RBFOX3: variants seen among roughly 807,000 people sequenced by gnomAD.
The protein encoded by RBFOX3 is RNA binding protein fox-1 homolog 3.
In RBFOX3, 17 loss-of-function variants were observed where a neutral mutation model predicts 48.7. That is an observed-to-expected ratio of 0.35 (90% CI 0.24 to 0.52). The LOEUF (loss-of-function observed/expected upper bound fraction) is 0.52. RBFOX3 is among the 20% of genes least tolerant of loss of function. The probability of loss-of-function intolerance (pLI) is 0.94; values close to 1 mark genes in which losing one functional copy is unlikely to be tolerated. For synonymous variants in RBFOX3, 212 were observed against 209.5 expected (o/e 1.01, Z -0.10); for missense variants, 382 against 497.5 (o/e 0.77, Z 2.21).
chr17:79,465,989 C>T (rs1162977008), intron 2 of RBFOX3, among the ~76,000 whole-genome samples: 2 of 152,190 alleles, frequency 1.3e-5, no homozygotes, highest in African/African-American at 2.4e-5. Context: ...CAGGAACAAC[C>T]CAGCTGGATC....
the RBFOX3 span, among the ~76,000 whole-genome samples, chr17:79,645,122 C>T: frequency 1.1e-4 from 16 of 152,214 alleles, no homozygotes; most frequent in Non-Finnish European, 1.5e-4. Flanking sequence ...CAGACTCAAG[C>T]TGCCCTTACC....
intron 1 of RBFOX3, among the ~76,000 whole-genome samples, chr17:79,498,047 G>C (rs2081818268): frequency 6.6e-6 from 1 of 152,246 alleles, no homozygotes; most frequent in Non-Finnish European, 1.5e-5. Context: ...CAGGAGAGGA[G>C]CAGAATGGAG....
chr17:79,168,686 A>G lies in RBFOX3; in HGVS notation c.-33-52938T>C, dbSNP rs141311260. Among the ~76,000 whole-genome samples, 1,084 of 152,338 alleles carry G rather than the reference A, an allele frequency of 7.1e-3. 6 individuals are homozygous for G. The highest frequency in any genetic ancestry group is 0.022 in the South Asian group (105 of 4,832). ...GAGGTGGGACAGTGCCACCTTGGAC[A>G]GGCCAGCCGCACGGGGCTGCGGCCT... On this transcript the variant is annotated intron_variant, in intron 4 of 14. Coordinates refer to ENST00000693108, the MANE Select transcript of RBFOX3 (RefSeq NM_001350451.2).
rs1333538563 is a variant in RBFOX3, at chr17:79,111,194, G to C, written c.222+4300C>G. ...GGGCAGAGAGGCCTCCAGGGACCTGGGCGCACAGGCATCTATGCCTGCAGT... is the reference window on the plus strand; with the variant it reads ...GGGCAGAGAGGCCTCCAGGGACCTGCGCGCACAGGCATCTATGCCTGCAGT... On this transcript the variant is annotated intron_variant, in intron 5 of 14. Coordinates refer to ENST00000693108, the MANE Select transcript of RBFOX3 (RefSeq NM_001350451.2). This position sits in a 1 kb window ranked among gnomAD's most constrained non-coding sequence, Gnocchi z 4.2. Among the ~76,000 whole-genome samples the C allele has an allele frequency of 2.6e-5, 4 of 152,234 alleles. No individual in the cohort carries two copies. The highest frequency in any genetic ancestry group is 9.6e-5 in the African/African-American group (4 of 41,460).
intron 4 of RBFOX3, among the ~76,000 whole-genome samples, chr17:79,160,699 G>C (rs2046794166): frequency 6.6e-6 from 1 of 152,116 alleles, no homozygotes; most frequent in Non-Finnish European, 1.5e-5. Flanking sequence ...TAAACATCTT[G>C]GCGAGCGTAG....
At chr17:79,283,105 G>T (rs2070972538) in intron 3 of RBFOX3, among the ~76,000 whole-genome samples, 1 of 152,182 alleles carries the variant, frequency 6.6e-6, no homozygotes, top group Non-Finnish European at 1.5e-5. Context: ...GGGGCGGGAA[G>T]AAAACGCTTG....
intron 2 of RBFOX3, among the ~76,000 whole-genome samples, chr17:79,463,196 G>GGCATCGCCACTGCCACCT (rs1410512633): frequency 0.077 from 8,764 of 113,814 alleles, 781 homozygotes; most frequent in Non-Finnish European, 0.1. Context: ...CACTGCCACC[G>GGCATCGCCACTGCCACCT]CCATCGCCAC....
At chr17:79,171,347 G>A (rs1599788804) in intron 4 of RBFOX3, among the ~76,000 whole-genome samples, 1 of 152,328 alleles carries the variant, frequency 6.6e-6, no homozygotes, top group East Asian at 1.9e-4. Flanking sequence ...GGACAGGGCT[G>A]GTGTAGGCCA....
chr17:79,522,167 C>A (rs2086199085), intron 1 of RBFOX3, among the ~76,000 whole-genome samples: 1 of 152,344 alleles, frequency 6.6e-6, no homozygotes, highest in East Asian at 1.9e-4. Context: ...AGCTCCTGAG[C>A]AGCTCCCCAC....
chr17:79,164,387 C>T (rs1355463820), intron 4 of RBFOX3, among the ~76,000 whole-genome samples: 1 of 152,196 alleles, frequency 6.6e-6, no homozygotes, highest in Non-Finnish European at 1.5e-5. Context: ...CCCCAAGATA[C>T]AGGTGCTGGA....
intron 1 of RBFOX3, chr17:79,598,522 C>T (rs1158494530): frequency 1.3e-5 from 2 of 152,202 alleles, no homozygotes; most frequent in South Asian, 2.1e-4. Flanking sequence ...CCAGCATCTC[C>T]GAAGTGCAAT....
intron 1 of RBFOX3, among the ~76,000 whole-genome samples, chr17:79,531,484 C>T (rs2150085016): frequency 6.6e-6 from 1 of 152,330 alleles, no homozygotes; most frequent in South Asian, 2.1e-4. Context: ...TGATGGCTGG[C>T]TGCTTTTGGT....
At chr17:79,223,389 C>T (rs920602614) in intron 4 of RBFOX3, among the ~76,000 whole-genome samples, 7 of 152,182 alleles carry the variant, frequency 4.6e-5, no homozygotes, top group African/African-American at 1.2e-4. Flanking sequence ...CAAACAGCTG[C>T]GTATACATGC....
intron 3 of RBFOX3, among the ~76,000 whole-genome samples, chr17:79,273,555 G>A (rs1453761103): frequency 7.7e-6 from 1 of 130,420 alleles, no homozygotes; most frequent in African/African-American, 2.7e-5. Flanking sequence ...AGGCTATAGG[G>A]TAAACAGTGC....
rs114051907 is a variant in RBFOX3, at chr17:79,157,624, C to T, written c.-33-41876G>A. On this transcript the variant is annotated intron_variant, in intron 4 of 14. Coordinates refer to ENST00000693108, the MANE Select transcript of RBFOX3 (RefSeq NM_001350451.2). ...CCCTAAAAGCTGAGATGCCCTGGGCCCTGAGCACAGCTCCTCTCCTTGTCC... is the reference window on the plus strand; with the variant it reads ...CCCTAAAAGCTGAGATGCCCTGGGCTCTGAGCACAGCTCCTCTCCTTGTCC... Among the ~76,000 whole-genome samples the T allele has an allele frequency of 3.8e-3, 580 of 151,692 alleles. 3 individuals carry two copies. Among genetic ancestry groups the T allele is most frequent in the African/African-American group, 0.014 (558 of 41,064 alleles).
At chr17:79,595,575 C>T (rs934948302) in intron 1 of RBFOX3, among the ~76,000 whole-genome samples, 5 of 152,210 alleles carry the variant, frequency 3.3e-5, no homozygotes, top group Non-Finnish European at 5.9e-5. Flanking sequence ...CTCTCTTGAA[C>T]GCTTTTAACC....
Position 79,390,254 on chromosome 17 carries a change from G to A in RBFOX3, c.-174-82430C>T, listed in dbSNP as rs780165143. On this transcript the variant is annotated intron_variant, in intron 2 of 14. Coordinates refer to ENST00000693108, the MANE Select transcript of RBFOX3 (RefSeq NM_001350451.2). This position sits in a 1 kb window ranked among gnomAD's most constrained non-coding sequence, Gnocchi z 4.2. ...TCCTCCTAGAATAACACATCCCTCC[G>A]CCCCATCATCCTGCAATCCTTTAGC... Among the ~76,000 whole-genome samples the A allele has an allele frequency of 7.9e-5, 12 of 152,200 alleles. No individual in the cohort carries two copies. The highest frequency in any genetic ancestry group is 4.6e-4 in the Admixed American group (7 of 15,276).
the RBFOX3 span, among the ~76,000 whole-genome samples, chr17:79,616,802 C>T: frequency 4.6e-5 from 7 of 152,328 alleles, no homozygotes; most frequent in Admixed American, 1.3e-4. Context: ...ACGAAACACG[C>T]GGGGCAGATG....
At chr17:79,591,300 C>T (rs1044604277) in intron 1 of RBFOX3, among the ~76,000 whole-genome samples, 2 of 152,156 alleles carry the variant, frequency 1.3e-5, no homozygotes, top group East Asian at 3.9e-4. Context: ...CCACCTGCCT[C>T]GGGGGCTTCC....
Sources: gnomAD v4.1 joint callset for allele counts (sites outside exome capture counted in the v4.1 genomes callset) on GRCh38, gnomAD v4.1.1 for gene constraint, Gnocchi (gnomAD v3.1) non-coding constraint, MANE v1.5 for transcripts, NCBI Gene and HGNC (gene_info 2026-07-23, HGNC 2026-07-21) for gene names.